Variants in NPAS3 observed in about 807,000 individuals in gnomAD.
NPAS3 encodes the protein neuronal PAS domain protein 3, also known as neuronal PAS domain-containing protein 3.
In NPAS3, 14 loss-of-function variants were observed where a neutral mutation model predicts 73.1. The ratio of observed to expected loss-of-function variants is 0.19; its 90% CI spans 0.13 to 0.30. The LOEUF is 0.30. NPAS3 is among the 10% of genes least tolerant of loss of function. The probability of loss-of-function intolerance (pLI) is 1.00; values close to 1 mark genes in which losing one functional copy is unlikely to be tolerated. For synonymous variants in NPAS3, 620 were observed against 541.5 expected (o/e 1.14, Z -2.01); for missense variants, 1,096 against 1,250.0 (o/e 0.88, Z 1.86).
At chr14:33,363,007 A>T (rs1337878533) in intron 3 of NPAS3, among the ~76,000 whole-genome samples, 3 of 152,114 alleles carry the variant, frequency 2.0e-5, no homozygotes, top group Admixed American at 2.0e-4. Flanking sequence ...AGCTGGGGTT[A>T]TGAAGGGAAA....
At chr14:33,436,262 C>A (rs1594902141) in intron 4 of NPAS3, among the ~76,000 whole-genome samples, 1 of 152,168 alleles carries the variant, frequency 6.6e-6, no homozygotes, top group South Asian at 2.1e-4. Flanking sequence ...CAAATGTTAT[C>A]TCTAAGTAAG....
At chr14:33,497,797 A>G (rs552375568) in intron 4 of NPAS3, among the ~76,000 whole-genome samples, 1 of 152,140 alleles carries the variant, frequency 6.6e-6, no homozygotes, top group Non-Finnish European at 1.5e-5. Flanking sequence ...GGCAGACTTC[A>G]TGACTAAATC....
At chr14:33,170,364 C>A (rs1302910890) in intron 2 of NPAS3, among the ~76,000 whole-genome samples, 1 of 152,170 alleles carries the variant, frequency 6.6e-6, no homozygotes, top group Non-Finnish European at 1.5e-5. Flanking sequence ...GAACCATAAT[C>A]TTTTGGCTGG....
intron 1 of NPAS3, among the ~76,000 whole-genome samples, chr14:33,028,032 A>G (rs17099941): frequency 0.055 from 8,399 of 152,250 alleles, 272 homozygotes; most frequent in Non-Finnish European, 0.062. Flanking sequence ...ACACATAGTT[A>G]CTCATAAAAT....
chr14:33,497,720 T>C (rs948518910), intron 4 of NPAS3, among the ~76,000 whole-genome samples: 2 of 152,124 alleles, frequency 1.3e-5, no homozygotes, highest in African/African-American at 4.8e-5. Context: ...AAGACTTAAA[T>C]GTAAGACCTA....
intron 2 of NPAS3, among the ~76,000 whole-genome samples, chr14:33,113,067 T>C (rs1355851993): frequency 6.6e-6 from 1 of 152,228 alleles, no homozygotes; most frequent in African/African-American, 2.4e-5. Context: ...TTGGTTACTG[T>C]AGCCTTGTAG....
chr14:33,079,084 T>C (rs546496002), intron 2 of NPAS3, among the ~76,000 whole-genome samples: 37 of 152,286 alleles, frequency 2.4e-4, no homozygotes, highest in African/African-American at 8.7e-4. Flanking sequence ...TGTGCATGCA[T>C]GTTCAGACAA....
At chr14:33,599,949 G>A (rs1168963667) in intron 5 of NPAS3, among the ~76,000 whole-genome samples, 1 of 152,208 alleles carries the variant, frequency 6.6e-6, no homozygotes, top group Non-Finnish European at 1.5e-5. Context: ...CTGAAGAAGT[G>A]TAGAATATCT....
chr14:33,072,703 G>T (rs562682687), intron 2 of NPAS3, among the ~76,000 whole-genome samples: 182 of 152,284 alleles, frequency 1.2e-3, no homozygotes, highest in African/African-American at 4.0e-3. Context: ...GGGATGCTGT[G>T]GGTCAGGGTG....
chr14:33,433,182 C>T (rs1566898421), intron 4 of NPAS3, among the ~76,000 whole-genome samples: 2 of 152,080 alleles, frequency 1.3e-5, no homozygotes, highest in African/African-American at 4.8e-5. Context: ...ACCCAAAAAT[C>T]GTGGACCATG....
intron 7 of NPAS3, 129 bp from the exon 8 acceptor site, chr14:33,774,208 C>T (rs1398738190): frequency 1.5e-6 from 1 of 661,386 alleles, no homozygotes; most frequent in East Asian, 2.8e-5. Flanking sequence ...TGCCGACAGC[C>T]ATTATGATTA....
chr14:33,331,419 A>G (rs79143571), intron 3 of NPAS3, among the ~76,000 whole-genome samples: 2 of 152,176 alleles, frequency 1.3e-5, no homozygotes, highest in Admixed American at 1.3e-4. Context: ...TTTCATTACC[A>G]TGAAAATAAT....
intron 4 of NPAS3, among the ~76,000 whole-genome samples, chr14:33,423,112 C>T (rs893494375): frequency 2.0e-5 from 3 of 151,998 alleles, no homozygotes; most frequent in African/African-American, 4.8e-5. Context: ...ATCCGCTGGA[C>T]ATTTTGAAGG....
At chr14:33,159,788 CG>C (rs2044789740) in intron 2 of NPAS3, among the ~76,000 whole-genome samples, 5 of 152,042 alleles carry the variant, frequency 3.3e-5, no homozygotes, top group Non-Finnish European at 1.5e-5. Flanking sequence ...GTCCTGACCT[CG>C]TGATCCACCT....
chr14:33,238,879 C>T (rs539648140), intron 3 of NPAS3, among the ~76,000 whole-genome samples: 2 of 151,986 alleles, frequency 1.3e-5, no homozygotes, highest in Admixed American at 1.3e-4. Flanking sequence ...GTAATTTAGT[C>T]AGCTGAAACT....
Position 33,684,405 on chromosome 14 carries a change from G to A in NPAS3, c.733+8020G>A, listed in dbSNP as rs141982991. On this transcript the variant is annotated intron_variant, in intron 6 of 11. Coordinates refer to ENST00000356141, the Ensembl canonical transcript of NPAS3. Reference sequence around the variant, plus strand: ...CGGCTCACTACAACCTCCATCTCTCGGGCTCAAGTGATTCTCCTGCCTCAG... The same window carrying A: ...CGGCTCACTACAACCTCCATCTCTCAGGCTCAAGTGATTCTCCTGCCTCAG... 2.3e-4 allele frequency among the ~76,000 whole-genome samples: 35 copies of A among 151,874 alleles called. No individual in the cohort carries two copies. The East Asian group carries it at 3.5e-3, about 15-fold the overall frequency.
At chr14:33,429,921 T>TCCC (rs2048712605) in intron 4 of NPAS3, among the ~76,000 whole-genome samples, 3 of 152,118 alleles carry the variant, frequency 2.0e-5, no homozygotes, top group African/African-American at 7.2e-5. Context: ...GGGGACTAAA[T>TCCC]CAAGAGTCTG....
chr14:33,232,307 A>T (rs982258922), intron 3 of NPAS3, among the ~76,000 whole-genome samples: 2 of 152,212 alleles, frequency 1.3e-5, no homozygotes, highest in African/African-American at 4.8e-5. Context: ...TCCCCACAAC[A>T]GAGCTTGTTT....
intron 5 of NPAS3, among the ~76,000 whole-genome samples, chr14:33,590,761 A>G (rs1477167992): frequency 6.6e-6 from 1 of 152,190 alleles, no homozygotes; most frequent in Admixed American, 6.5e-5. Flanking sequence ...ATTTGCAGCC[A>G]GTTTCCCTGG....
Sources: allele counts gnomAD v4.1 joint callset (sites outside exome capture counted in the v4.1 genomes callset), GRCh38; gene constraint gnomAD v4.1.1; transcripts MANE v1.5; gene names NCBI Gene and HGNC (gene_info 2026-07-23, HGNC 2026-07-21).